The following MAFF variants were observed in gnomAD, a reference collection of about 807,000 sequenced individuals.
MAFF encodes the protein transcription factor MafF.
A neutral mutation model predicts 2.7 loss-of-function variants in MAFF; 4 were observed. The observed-to-expected ratio is 1.48, with a 90% CI of 0.73 to 3.39. The LOEUF is 3.39. Among genes scored for constraint, MAFF ranks in the 30% most tolerant of loss-of-function variants. The pLI, the probability that MAFF is intolerant of heterozygous loss-of-function variation, is 0.01. For missense variants in MAFF, 190 were observed against 246.6 expected (o/e 0.77, Z 1.54); for synonymous variants, 113 against 119.4 (o/e 0.95, Z 0.35).
chr22:38,206,276 G>A (rs1342246630), intron 1 of MAFF, among the ~76,000 whole-genome samples: 1 of 151,732 alleles, frequency 6.6e-6, no homozygotes. Flanking sequence ...GGTTAGTGAT[G>A]TCTCTGTTGC....
intron 1 of MAFF, 47 bp from the exon 2 acceptor site, chr22:38,213,776 G>T: frequency 7.0e-7 from 1 of 1,419,906 alleles, no homozygotes; most frequent in South Asian, 1.1e-5. Flanking sequence ...TATTCTAAAT[G>T]GGAAACCAAA....
Position 38,214,327 on chromosome 22 carries a change from C to T in MAFF, c.37-93C>T. The stretch of plus-strand genomic sequence containing the variant: ...GTTTTGGATCAAGTCCACCCACCAC[C>T]TCGGCGGCTAAGGCGGTGAAAGAGG... On this transcript the variant is annotated intron_variant, in intron 2 of 2. Transcript: ENST00000338483. The surrounding 1 kb of genome is among the most constrained non-coding windows in gnomAD (Gnocchi z 6.3). 1 of 1,249,692 alleles carries T rather than the reference C, an allele frequency of 8.0e-7. No individual in the cohort carries two copies. Among genetic ancestry groups the T allele is most frequent in the Non-Finnish European group, 1.1e-6 (1 of 924,874 alleles). The allele number at this position is 1,249,692 out of a possible 1,614,324, so 77.4% of individuals were successfully genotyped here.
At chr22:38,209,068 T>G (rs898644637) in intron 1 of MAFF, among the ~76,000 whole-genome samples, 1 of 151,248 alleles carries the variant, frequency 6.6e-6, no homozygotes, top group Non-Finnish European at 1.5e-5. Context: ...GCTTGTTTGT[T>G]TTTGTGTTTG....
chr22:38,214,987 C>A lies in MAFF; in HGVS notation c.*109C>A, dbSNP rs1198696322. On this transcript the variant is annotated 3_prime_UTR_variant, in exon 3 of 3. Transcript: ENST00000338483. The surrounding 1 kb of genome is among the most constrained non-coding windows in gnomAD (Gnocchi z 6.3). ...GTCCCATTTCTCTGCAGCACTGGCC[C>A]CTTGGTGCACACACATTCCCTTCGT... The A allele has an allele frequency of 2.5e-5, 20 of 811,746 alleles. No homozygotes were observed. Among genetic ancestry groups the A allele is most frequent in the African/African-American group, 3.6e-5 (2 of 55,694 alleles). 50.3% of individuals were successfully genotyped at this position (811,746 alleles called of 1,614,324 possible). A position where few individuals can be genotyped will look rare whatever the true frequency, so the allele number is the denominator to read the frequency against.
intron 1 of MAFF, among the ~76,000 whole-genome samples, chr22:38,211,712 C>G (rs1349734334): frequency 6.6e-6 from 1 of 152,110 alleles, no homozygotes; most frequent in Non-Finnish European, 1.5e-5. Context: ...AACTAGAGAG[C>G]GAGACCACCC....
chr22:38,214,404 T>C lies in MAFF; in HGVS notation c.37-16T>C. 6.4e-7 allele frequency: 1 copy of C among 1,569,806 alleles called. No individual in the cohort carries two copies. Among genetic ancestry groups the C allele is most frequent in the Non-Finnish European group, 8.7e-7 (1 of 1,156,068 alleles). ...CGTCCCCAGTCCCCTGGACCTCAGT[T>C]TCCTCATGCCCGCAGATCAAGCGAG... On this transcript the variant is annotated splice_polypyrimidine_tract_variant and intron_variant, in intron 2 of 2. Transcript: ENST00000338483. This position sits in a 1 kb window ranked among gnomAD's most constrained non-coding sequence, Gnocchi z 6.3.
intron 1 of MAFF, among the ~76,000 whole-genome samples, chr22:38,211,648 C>A (rs2091102591): frequency 6.6e-6 from 1 of 152,214 alleles, no homozygotes; most frequent in Non-Finnish European, 1.5e-5. Flanking sequence ...CTACCTGTGT[C>A]ACCCAGGGGG....
chr22:38,213,905 C>T lies in MAFF; in HGVS notation c.36+16C>T, dbSNP rs374590312. On this transcript the variant is annotated intron_variant, in intron 2 of 2. Coordinates refer to ENST00000338483, the MANE Select transcript of MAFF (RefSeq NM_012323.4). ...AGCTCTAAAGGTGAGGAGGCAGCCTCTGTCAACCCAGTGAAGCCCTCCCTC... is the reference window on the plus strand; with the variant it reads ...AGCTCTAAAGGTGAGGAGGCAGCCTTTGTCAACCCAGTGAAGCCCTCCCTC... 495 of 1,613,998 alleles carry T rather than the reference C, an allele frequency of 3.1e-4. No homozygotes were observed. Among genetic ancestry groups the T allele is most frequent in the Non-Finnish European group, 4.1e-4 (482 of 1,179,942 alleles).
intron 1 of MAFF, among the ~76,000 whole-genome samples, chr22:38,207,010 G>A (rs1259131901): frequency 2.0e-5 from 3 of 152,140 alleles, no homozygotes; most frequent in Non-Finnish European, 4.4e-5. Flanking sequence ...GGCAAGTCCA[G>A]CTTCATCTTC....
chr22:38,207,708 C>CT (rs1447839112), intron 1 of MAFF, among the ~76,000 whole-genome samples: 1 of 152,038 alleles, frequency 6.6e-6, no homozygotes, highest in East Asian at 1.9e-4. Context: ...ATGGTTCCTC[C>CT]TGCCTCAGCC....
intron 1 of MAFF, among the ~76,000 whole-genome samples, chr22:38,211,141 T>C (rs1308991718): frequency 6.6e-6 from 1 of 151,794 alleles, no homozygotes; most frequent in Admixed American, 6.6e-5. Context: ...GCATCCTGTG[T>C]TGAGGAAGGG....
rs2091125878 is a variant in MAFF at position 38,214,344 on chromosome 22, T to C, written c.37-76T>C. 1.4e-6 allele frequency: 2 copies of C among 1,385,308 alleles called. No homozygotes were observed. The highest frequency in any genetic ancestry group is 1.5e-5 in the African/African-American group (1 of 68,942). The allele number at this position is 1,385,308 out of a possible 1,614,324, so 85.8% of individuals were successfully genotyped here. A position where few individuals can be genotyped will look rare whatever the true frequency, so the allele number is the denominator to read the frequency against. On this transcript the variant is annotated intron_variant, in intron 2 of 2. Transcript: ENST00000338483. This position sits in a 1 kb window ranked among gnomAD's most constrained non-coding sequence, Gnocchi z 6.3. Reference sequence around the variant, plus strand: ...CCCACCACCTCGGCGGCTAAGGCGGTGAAAGAGGAACACCGCGGGTGGAGC... The same window carrying C: ...CCCACCACCTCGGCGGCTAAGGCGGCGAAAGAGGAACACCGCGGGTGGAGC...
intron 1 of MAFF, among the ~76,000 whole-genome samples, chr22:38,208,944 C>CA (rs769122896): frequency 6.6e-6 from 1 of 151,160 alleles, no homozygotes; most frequent in Non-Finnish European, 1.5e-5. Context: ...GTGGAGGTGG[C>CA]AGTGGTGGGA....
intron 1 of MAFF, among the ~76,000 whole-genome samples, chr22:38,209,124 G>A (rs1203659566): frequency 6.6e-6 from 1 of 151,918 alleles, no homozygotes; most frequent in East Asian, 1.9e-4. Flanking sequence ...GGAGTGCAGT[G>A]TCGCGATCTC....
intron 1 of MAFF, among the ~76,000 whole-genome samples, chr22:38,209,813 C>CAAAAAAAA (rs398037113): frequency 3.9e-5 from 3 of 76,456 alleles, no homozygotes; most frequent in East Asian, 4.0e-4. Context: ...GACTCCATCT[C>CAAAAAAAA]AAAAAAAAAA....
Position 38,214,886 on chromosome 22 carries a change from C to T in MAFF, c.*8C>T. 6.6e-7 allele frequency: 1 copy of T among 1,513,782 alleles called. No individual in the cohort carries two copies. The highest frequency in any genetic ancestry group is 8.9e-7 in the Non-Finnish European group (1 of 1,127,134). The allele number at this position is 1,513,782 out of a possible 1,614,324, so 93.8% of individuals were successfully genotyped here. The stretch of plus-strand genomic sequence containing the variant: ...CCGGCCTCCTGCTCCTAGTGCCCGC[C>T]CCCGCCATGCCTCAGCCACGCCCCT... On this transcript the variant is annotated 3_prime_UTR_variant, in exon 3 of 3. Transcript: ENST00000338483. This position sits in a 1 kb window ranked among gnomAD's most constrained non-coding sequence, Gnocchi z 6.3.
At chr22:38,210,068 G>T (rs1356932131) in intron 1 of MAFF, among the ~76,000 whole-genome samples, 1 of 152,114 alleles carries the variant, frequency 6.6e-6, no homozygotes, top group Non-Finnish European at 1.5e-5. Flanking sequence ...GGCTAAGCCG[G>T]CATGTTCAGC....
chr22:38,205,178 C>T (rs1372878166), intron 1 of MAFF: 1 of 152,288 alleles, frequency 6.6e-6, no homozygotes, highest in Non-Finnish European at 1.5e-5. Context: ...AACTCAGAGA[C>T]AGTCATTGTT....
At chr22:38,207,540 C>T (rs1447836884) in intron 1 of MAFF, among the ~76,000 whole-genome samples, 5 of 144,190 alleles carry the variant, frequency 3.5e-5, no homozygotes, top group African/African-American at 5.1e-5. Context: ...TCCGGGTTCA[C>T]GCCATTCTCC....
Sources: allele counts gnomAD v4.1 joint callset (sites outside exome capture counted in the v4.1 genomes callset), GRCh38; gene constraint gnomAD v4.1.1; non-coding constraint Gnocchi (gnomAD v3.1); transcripts MANE v1.5; gene names NCBI Gene and HGNC (gene_info 2026-07-23, HGNC 2026-07-21).